Variants in CSMD1 observed in about 807,000 individuals in gnomAD.
CSMD1 encodes the protein CUB and sushi domain-containing protein 1.
In CSMD1, 213 loss-of-function variants were observed where a neutral mutation model predicts 417.5. That is an observed-to-expected ratio of 0.51 (90% CI 0.46 to 0.57). CSMD1 has a LOEUF of 0.57. Among genes scored for constraint, CSMD1 ranks in the 20% least tolerant of loss-of-function variants. CSMD1 has a pLI of 0.00. For missense variants in CSMD1, 6,923 were observed against 4,529.7 expected (o/e 1.53, Z -15.17); for synonymous variants, 2,862 against 1,736.8 (o/e 1.65, Z -16.11).
chr8:4,792,206 G>A (rs187963487), intron 1 of CSMD1, among the ~76,000 whole-genome samples: 188 of 152,070 alleles, frequency 1.2e-3, no homozygotes, highest in African/African-American at 4.4e-3. Context: ...CAATTAGCCA[G>A]ACACAAAAGT....
At chr8:3,873,310 C>T (rs1791034212) in intron 5 of CSMD1, among the ~76,000 whole-genome samples, 2 of 152,014 alleles carry the variant, frequency 1.3e-5, no homozygotes, top group South Asian at 2.1e-4. Flanking sequence ...ACCTAAATGC[C>T]CATCAGCTGT....
chr8:3,315,437 A>AGTGTGTGT (rs35460301), intron 23 of CSMD1, among the ~76,000 whole-genome samples: 39,667 of 123,918 alleles, frequency 0.32, 5,913 homozygotes, highest in South Asian at 0.48. Context: ...AGGTGAAGTG[A>AGTGTGTGT]GTGTGTGTGT....
chr8:3,646,164 T>C (rs1262913134), intron 7 of CSMD1, among the ~76,000 whole-genome samples: 1 of 151,948 alleles, frequency 6.6e-6, no homozygotes, highest in African/African-American at 2.4e-5. Flanking sequence ...ATATATAAAA[T>C]GAAAAAGGTG....
At chr8:3,670,299 G>C (rs368504331) in intron 7 of CSMD1, among the ~76,000 whole-genome samples, 1 of 151,890 alleles carries the variant, frequency 6.6e-6, no homozygotes, top group Non-Finnish European at 1.5e-5. Context: ...CTCCTGTGCC[G>C]GATGCTTCCT....
At chr8:4,471,009 C>T (rs1017424820) in intron 2 of CSMD1, among the ~76,000 whole-genome samples, 15 of 152,058 alleles carry the variant, frequency 9.9e-5, no homozygotes, top group East Asian at 3.9e-4. Context: ...TTTTTATGTA[C>T]GAGGATTCTA....
At position 4,211,034 on chromosome 8, in the gene CSMD1, A is replaced by G. The variant is rs1017280429; in HGVS notation, c.416-178935T>C. 2.0e-5 allele frequency among the ~76,000 whole-genome samples: 3 copies of G among 152,228 alleles called. 1 individual carries two copies. The highest frequency in any genetic ancestry group is 7.2e-5 in the African/African-American group (3 of 41,470). ...GAAATAAAAGTTTCAAAAATATTTT[A>G]AAATACAAACACATTTCCTTCCTTA... On this transcript the variant is annotated intron_variant, in intron 3 of 69. Coordinates refer to ENST00000635120, the MANE Select transcript of CSMD1 (RefSeq NM_033225.6).
chr8:4,455,098 G>C (rs1585105084), intron 2 of CSMD1, among the ~76,000 whole-genome samples: 1 of 152,100 alleles, frequency 6.6e-6, no homozygotes, highest in African/African-American at 2.4e-5. Flanking sequence ...TTTTCTTAAG[G>C]TCTGACACGT....
At chr8:4,177,094 C>A (rs192734189) in intron 3 of CSMD1, among the ~76,000 whole-genome samples, 3 of 152,138 alleles carry the variant, frequency 2.0e-5, no homozygotes, top group African/African-American at 7.2e-5. Flanking sequence ...TAGACATCTA[C>A]AGAACTCTCC....
chr8:3,170,149 G>A (rs1179333294), intron 37 of CSMD1, among the ~76,000 whole-genome samples: 1 of 152,232 alleles, frequency 6.6e-6, no homozygotes, highest in Non-Finnish European at 1.5e-5. Context: ...TTGCTTTGCT[G>A]AGAAATCCTG....
chr8:3,451,147 C>A (rs1292209453), intron 12 of CSMD1, among the ~76,000 whole-genome samples: 2 of 152,194 alleles, frequency 1.3e-5, no homozygotes, highest in Non-Finnish European at 2.9e-5. Flanking sequence ...CCTTCGCCCA[C>A]TTTTTGATGG....
intron 3 of CSMD1, among the ~76,000 whole-genome samples, chr8:4,309,226 A>G (rs1014925747): frequency 5.3e-5 from 8 of 152,220 alleles, no homozygotes; most frequent in African/African-American, 1.9e-4. Flanking sequence ...ATTACCGTTA[A>G]GTGCAAGACC....
chr8:3,652,041 C>A (rs1585021026), intron 7 of CSMD1, among the ~76,000 whole-genome samples: 1 of 144,870 alleles, frequency 6.9e-6, no homozygotes, highest in African/African-American at 2.6e-5. Context: ...ACTACCATCA[C>A]AGCACCCACC....
chr8:3,784,949 C>A (rs1333164500), intron 5 of CSMD1, among the ~76,000 whole-genome samples: 1 of 152,114 alleles, frequency 6.6e-6, no homozygotes, highest in African/African-American at 2.4e-5. Flanking sequence ...AAATATACTG[C>A]TGTAGAATTT....
At chr8:3,380,234 A>C (rs552381217) in intron 18 of CSMD1, among the ~76,000 whole-genome samples, 1 of 152,216 alleles carries the variant, frequency 6.6e-6, no homozygotes, top group Non-Finnish European at 1.5e-5. Flanking sequence ...AAAAGTCAGG[A>C]AACAACAGAT....
chr8:3,077,460 G>A (rs1300251938), intron 49 of CSMD1, among the ~76,000 whole-genome samples: 1 of 152,164 alleles, frequency 6.6e-6, no homozygotes, highest in African/African-American at 2.4e-5. Context: ...ATAAACACCT[G>A]CCTTCCAGCC....
At chr8:4,713,284 T>G (rs1393577059) in intron 1 of CSMD1, among the ~76,000 whole-genome samples, 1 of 152,258 alleles carries the variant, frequency 6.6e-6, no homozygotes, top group African/African-American at 2.4e-5. Flanking sequence ...GTAGTTTAAG[T>G]TGGTTTTTGG....
intron 21 of CSMD1, among the ~76,000 whole-genome samples, chr8:3,354,198 T>C (rs1056368717): frequency 2.6e-5 from 4 of 152,196 alleles, no homozygotes; most frequent in African/African-American, 7.2e-5. Flanking sequence ...TACAGTTAAA[T>C]TGGATTCAAA....
intron 2 of CSMD1, among the ~76,000 whole-genome samples, chr8:4,573,846 G>C (rs550431140): frequency 6.6e-6 from 1 of 152,308 alleles, no homozygotes; most frequent in Non-Finnish European, 1.5e-5. Flanking sequence ...TAGAGAAGCA[G>C]TCTGGCTACA....
At chr8:3,300,672 A>G (rs1449448642) in intron 25 of CSMD1, among the ~76,000 whole-genome samples, 1 of 152,088 alleles carries the variant, frequency 6.6e-6, no homozygotes, top group African/African-American at 2.4e-5. Flanking sequence ...AAAAATTAGA[A>G]ATGGCCAGGC....
Sources: gnomAD v4.1 joint callset for allele counts (sites outside exome capture counted in the v4.1 genomes callset) on GRCh38, gnomAD v4.1.1 for gene constraint, MANE v1.5 for transcripts, NCBI Gene and HGNC (gene_info 2026-07-23, HGNC 2026-07-21) for gene names.